KAZN: variants seen among roughly 807,000 people sequenced by gnomAD.
KAZN encodes the protein kazrin, periplakin interacting protein, also known as kazrin.
KAZN carries 40 observed loss-of-function variants against 87.4 expected under a neutral mutation model. That is an observed-to-expected ratio of 0.46 (90% confidence interval 0.36 to 0.60). The LOEUF (loss-of-function observed/expected upper bound fraction) is 0.60, where lower values mean the gene tolerates loss of function less well. Ranked by LOEUF, KAZN falls within the 20% of genes least tolerant of loss-of-function variation. The pLI, the probability that KAZN is intolerant of heterozygous loss-of-function variation, is 0.00. For synonymous variants in KAZN, 466 were observed against 458.3 expected (o/e 1.02, Z -0.22); for missense variants, 898 against 1,073.9 (o/e 0.84, Z 2.29).
intron 1 of KAZN, among the ~76,000 whole-genome samples, chr1:14,899,810 G>A (rs547622543): frequency 1.4e-4 from 22 of 152,116 alleles, no homozygotes; most frequent in Admixed American, 9.2e-4. Context: ...GTGAGCAACC[G>A]TCTTAAGCAC....
intron 1 of KAZN, among the ~76,000 whole-genome samples, chr1:14,816,202 A>G (rs1410493548): frequency 1.3e-5 from 2 of 152,246 alleles, no homozygotes; most frequent in South Asian, 2.1e-4. Flanking sequence ...TTGCAATGTA[A>G]TGAATCACTA....
At chr1:14,945,356 T>A (rs1557647435) in intron 1 of KAZN, among the ~76,000 whole-genome samples, 5 of 152,180 alleles carry the variant, frequency 3.3e-5, no homozygotes, top group Admixed American at 2.6e-4. Context: ...TGGGAAAACG[T>A]CCCAGGCCGG....
chr1:14,382,467 C>CCGCCCCT (rs1557678176), intron 2 of KAZN, among the ~76,000 whole-genome samples: 2 of 80,244 alleles, frequency 2.5e-5, no homozygotes, highest in African/African-American at 1.0e-4. Flanking sequence ...ATCCCTCCCC[C>CCGCCCCT]CTCCCCCCAC....
At chr1:14,501,917 A>C (rs546903380) in intron 2 of KAZN, among the ~76,000 whole-genome samples, 60 of 152,234 alleles carry the variant, frequency 3.9e-4, no homozygotes, top group Admixed American at 8.5e-4. Context: ...AGAATAGCCA[A>C]ATCAATAGAA....
At chr1:14,934,939 A>G (rs1276957907) in intron 1 of KAZN, among the ~76,000 whole-genome samples, 3 of 152,258 alleles carry the variant, frequency 2.0e-5, no homozygotes, top group African/African-American at 7.2e-5. Flanking sequence ...GCTGAGGGTC[A>G]TCGCTGATCT....
At chr1:14,987,432 G>C (rs1450279801) in intron 2 of KAZN, among the ~76,000 whole-genome samples, 1 of 151,978 alleles carries the variant, frequency 6.6e-6, no homozygotes, top group Non-Finnish European at 1.5e-5. Context: ...AGGTGGAGGT[G>C]GCAGTGAGCC....
At chr1:14,383,313 A>G (rs1260537231) in intron 2 of KAZN, among the ~76,000 whole-genome samples, 2 of 150,006 alleles carry the variant, frequency 1.3e-5, no homozygotes, top group African/African-American at 4.9e-5. Context: ...GAAGCTCTTT[A>G]GTTTAATTAG....
chr1:14,950,325 A>T (rs532317903), intron 1 of KAZN, among the ~76,000 whole-genome samples: 9 of 150,696 alleles, frequency 6.0e-5, no homozygotes, highest in Non-Finnish European at 1.3e-4. Context: ...GGACTGAGGG[A>T]GGGATGGGAG....
chr1:14,743,662 C>T (rs1644179655), intron 1 of KAZN, among the ~76,000 whole-genome samples: 1 of 152,152 alleles, frequency 6.6e-6, no homozygotes. Flanking sequence ...CCTCGGGTCT[C>T]AGATCTGTTG....
chr1:13,977,370 C>A (rs1454759132), intron 1 of KAZN, among the ~76,000 whole-genome samples: 1 of 152,166 alleles, frequency 6.6e-6, no homozygotes, highest in African/African-American at 2.4e-5. Flanking sequence ...TTACTTATTG[C>A]ATAGGATTGT....
rs772213833 is a variant in KAZN, at chr1:15,094,206, C to A, written c.1249C>A (p.Arg417=). ...CTCGGACAGCCAGTGCAGCCCCACG[C>A]GGCAGAGCCTCAGCCTGTCGGAAGG... ...DDSDSQCSPT[R]QSLSLSEGEE... Residue 417 remains arginine (R), a synonymous_variant, in exon 9 of 15, where the codon CGG becomes AGG. Coordinates refer to ENST00000376030, the MANE Select transcript of KAZN (RefSeq NM_201628.3). The surrounding 1 kb of genome is among the most constrained non-coding windows in gnomAD (Gnocchi z 4.5). The A allele has an allele frequency of 1.9e-6, 3 of 1,613,488 alleles. No homozygotes were observed. The highest frequency in any genetic ancestry group is 2.2e-5 in the East Asian group (1 of 44,894).
intron 1 of KAZN, among the ~76,000 whole-genome samples, chr1:14,680,369 T>C (rs533986221): frequency 8.0e-4 from 122 of 152,306 alleles, no homozygotes; most frequent in Middle Eastern, 6.8e-3. Context: ...CAGTATAGAT[T>C]AGTTTTGCCT....
intron 1 of KAZN, among the ~76,000 whole-genome samples, chr1:14,028,449 G>T (rs1055173507): frequency 1.3e-5 from 2 of 152,118 alleles, no homozygotes; most frequent in African/African-American, 4.8e-5. Flanking sequence ...CCAGCCAGCC[G>T]GATGTTAACA....
At chr1:14,050,204 ATG>A (rs933325791) in intron 1 of KAZN, among the ~76,000 whole-genome samples, 2 of 149,002 alleles carry the variant, frequency 1.3e-5, no homozygotes, top group Admixed American at 1.3e-4. Flanking sequence ...ATATGTGCAC[ATG>A]TGTGGGCATG....
At chr1:14,975,703 C>A (rs1002746254) in intron 2 of KAZN, among the ~76,000 whole-genome samples, 5 of 152,060 alleles carry the variant, frequency 3.3e-5, no homozygotes, top group Non-Finnish European at 5.9e-5. Flanking sequence ...AAGATTGAGG[C>A]CCAGAGACCT....
chr1:14,970,420 G>T (rs1252510074), intron 2 of KAZN, among the ~76,000 whole-genome samples: 1 of 152,192 alleles, frequency 6.6e-6, no homozygotes, highest in Non-Finnish European at 1.5e-5. Flanking sequence ...AAATAGAATT[G>T]TTTCCAGAAC....
chr1:14,518,212 G>A (rs79807175), intron 2 of KAZN, among the ~76,000 whole-genome samples: 3 of 124,594 alleles, frequency 2.4e-5, no homozygotes, highest in South Asian at 2.5e-4. Context: ...GCAGAGTCTC[G>A]CTGTGCCACC....
At chr1:13,915,082 CAT>C (rs1464112311) in intron 1 of KAZN, among the ~76,000 whole-genome samples, 10 of 152,206 alleles carry the variant, frequency 6.6e-5, no homozygotes, top group Non-Finnish European at 1.0e-4. Flanking sequence ...ACAGAAATCA[CAT>C]GTGTGTGTAA....
intron 1 of KAZN, among the ~76,000 whole-genome samples, chr1:14,882,505 G>A (rs1023630626): frequency 2.0e-5 from 3 of 152,154 alleles, no homozygotes; most frequent in South Asian, 2.1e-4. Flanking sequence ...CACCCTGCTC[G>A]AGGTCAGGCA....
Sources: gnomAD v4.1 joint callset for allele counts (sites outside exome capture counted in the v4.1 genomes callset) on GRCh38, gnomAD v4.1.1 for gene constraint, Gnocchi (gnomAD v3.1) non-coding constraint, MANE v1.5 for transcripts, NCBI Gene and HGNC (gene_info 2026-07-23, HGNC 2026-07-21) for gene names.